APEH: variants seen among roughly 807,000 people sequenced by gnomAD.
APEH encodes the protein acylamino-acid-releasing enzyme.
APEH carries 75 observed loss-of-function variants against 102.7 expected under a neutral mutation model. The ratio of observed to expected loss-of-function variants is 0.73; its 90% CI spans 0.61 to 0.89. The LOEUF (loss-of-function observed/expected upper bound fraction) is 0.89, where lower values mean the gene tolerates loss of function less well. Among genes scored for constraint, APEH ranks in the 40% least tolerant of loss-of-function variants. The pLI is 0.00. For missense variants in APEH, 863 were observed against 941.2 expected (o/e 0.92, Z 1.09); for synonymous variants, 344 against 362.7 (o/e 0.95, Z 0.59).
rs759513667 is a variant in APEH at position 49,680,588 on chromosome 3, A to T, written c.1258A>T (p.Met420Leu). 1 of 1,614,084 alleles carries T rather than the reference A, an allele frequency of 6.2e-7. No individual in the cohort carries two copies. The highest frequency in any genetic ancestry group is 1.7e-5 in the Admixed American group (1 of 60,024). ...GTTGCTCACAATTGACCAGGACCTC[A>T]TGGTGGCACAGTTTTCCACACCCAG... ...WKLLTIDQDL[M>L]VAQFSTPSLP... The change falls in exon 14 of 22, where the codon ATG becomes TTG. Residue 420 changes from methionine to leucine, a missense_variant. Physicochemically the swap from Met to Leu is conservative, Grantham distance 15 (BLOSUM62 2). Transcript: ENST00000296456.
intron 10 of APEH, among the ~76,000 whole-genome samples, chr3:49,677,236 C>T (rs2053102191): frequency 6.6e-6 from 1 of 152,164 alleles, no homozygotes; most frequent in Admixed American, 6.5e-5. Context: ...TGGGGCATTC[C>T]ACCTTGAGAG....
Position 49,679,515 on chromosome 3 carries a change from A to G in APEH, c.1159-78A>G. 1 of 1,472,820 alleles carries G rather than the reference A, an allele frequency of 6.8e-7. No individual in the cohort carries two copies. The highest frequency in any genetic ancestry group is 1.4e-5 in the African/African-American group (1 of 72,026). 91.2% of individuals were successfully genotyped at this position (1,472,820 alleles called of 1,614,324 possible). A position where few individuals can be genotyped will look rare whatever the true frequency, so the allele number is the denominator to read the frequency against. On this transcript the variant is annotated intron_variant, in intron 12 of 21. Transcript: ENST00000296456. The surrounding 1 kb of genome is among the most constrained non-coding windows in gnomAD (Gnocchi z 4.3). ...GCCAGGGCTCTCCAAGAGGGTAGAG[A>G]GGAGGTAGGGGAGGGACCCATAGGT...
chr3:49,680,175 A>G, intron 13 of APEH: 1 of 312,272 alleles, frequency 3.2e-6, no homozygotes, highest in South Asian at 2.9e-5. Context: ...CCAAAGCTAC[A>G]TCTCATTGTA....
At chr3:49,674,741 T>G in intron 2 of APEH, 120 bp downstream of exon 2, 1 of 1,358,974 alleles carries the variant, frequency 7.4e-7, no homozygotes, top group Non-Finnish European at 1.0e-6. Flanking sequence ...CGGCCTGGAC[T>G]TGGAGGTTAC....
chr3:49,681,780 A>G lies in APEH; in HGVS notation c.1497A>G (p.Gln499=), dbSNP rs1441209641. 2 of 1,611,206 alleles carry G rather than the reference A, an allele frequency of 1.2e-6. No homozygotes were observed. Among genetic ancestry groups the G allele is most frequent in the Admixed American group, 1.7e-5 (1 of 59,886 alleles). Residue 499 remains glutamine (Q), a synonymous_variant, in exon 16 of 22, where the codon CAA becomes CAG. Coordinates refer to ENST00000296456, the MANE Select transcript of APEH (RefSeq NM_001640.4). ...CTGGCAGCCCTCCAGATAAGACCCA[A>G]GTGCCCATGGTGGTCATGCCCCACG... ...LQPGSPPDKT[Q]VPMVVMPHGG...
rs1277591081 is a variant in APEH at position 49,683,726 on chromosome 3, T to C, written c.*384T>C. ...TGCAGCCCCTTCCATTAGCAACTAC[T>C]CTGTACCACCCTTCCCAAGAGTATG... On this transcript the variant is annotated 3_prime_UTR_variant, in exon 22 of 22. Transcript: ENST00000296456. 2.0e-6 allele frequency: 1 copy of C among 489,066 alleles called. No individual in the cohort carries two copies. The highest frequency in any genetic ancestry group is 3.7e-6 in the Non-Finnish European group (1 of 272,076). The allele number at this position is 489,066 out of a possible 1,614,324, so 30.3% of individuals were successfully genotyped here.
At chr3:49,683,015 TC>T (rs777728028) in intron 20 of APEH, 24 bp from the exon 21 acceptor site, 3 of 1,612,182 alleles carry the variant, frequency 1.9e-6, no homozygotes, top group African/African-American at 2.7e-5. Context: ...TCAACACAGC[TC>T]CCCACTCTTC....
rs763682530 is a variant in APEH at position 49,675,759 on chromosome 3, G to A, written c.338G>A (p.Gly113Asp). ...KAVLRKAGGT[G>D]PGEEKQFLEV... ...GTGCTGCGCAAGGCTGGAGGCACGG[G>A]CCCTGGGGAAGAGAAGCAGTTCCTG... is the stretch of plus-strand genomic sequence containing the variant. The change falls in exon 4 of 22, where the codon GGC (glycine) becomes GAC (aspartate). Residue 113 changes from glycine to aspartate, a missense_variant. Physicochemically the swap from Gly to Asp is moderately conservative, Grantham distance 94 (BLOSUM62 -1). Transcript: ENST00000296456. 1.9e-6 allele frequency: 3 copies of A among 1,614,110 alleles called. No homozygotes were observed. Among genetic ancestry groups the A allele is most frequent in the South Asian group, 1.1e-5 (1 of 91,088 alleles).
chr3:49,683,241 C>T lies in APEH; in HGVS notation c.2098C>T (p.Leu700=), dbSNP rs2053439543. 1 of 1,613,722 alleles carries T rather than the reference C, an allele frequency of 6.2e-7. No individual in the cohort carries two copies. Among genetic ancestry groups the T allele is most frequent in the Non-Finnish European group, 8.5e-7 (1 of 1,179,646 alleles). The change falls in exon 22 of 22, where the codon CTG becomes TTG. Residue 700 remains leucine (L), a synonymous_variant. Transcript: ENST00000296456. ...GTTGCTGACTAATCCCTACAGGCTC[C>T]TGCTCTATCCCAAAAGCACCCACGC... ...LKTRNVPVRL[L]LYPKSTHALS...
At chr3:49,680,836 G>T (rs1288105970) in intron 14 of APEH, among the ~76,000 whole-genome samples, 5 of 152,248 alleles carry the variant, frequency 3.3e-5, no homozygotes, top group Admixed American at 6.5e-5. Flanking sequence ...AAAACAAGGT[G>T]CCTGGGGAAG....
chr3:49,674,469 C>G lies in APEH; in HGVS notation c.13-20C>G, dbSNP rs1199951217. 1 of 1,569,622 alleles carries G rather than the reference C, an allele frequency of 6.4e-7. No homozygotes were observed. The highest frequency in any genetic ancestry group is 1.3e-5 in the African/African-American group (1 of 74,172). On this transcript the variant is annotated intron_variant, in intron 1 of 21. Transcript: ENST00000296456. ...CCTGCAGCCCGGGCCGGGCCTGACCCTGGTGTGTCCCCTGCGCAGGTGCTG... is the reference window on the plus strand; with the variant it reads ...CCTGCAGCCCGGGCCGGGCCTGACCGTGGTGTGTCCCCTGCGCAGGTGCTG...
At chr3:49,675,538 C>T (rs2052990921) in intron 3 of APEH, 156 bp from the exon 4 acceptor site, 7 of 967,846 alleles carry the variant, frequency 7.2e-6, no homozygotes, top group Admixed American at 6.9e-5. Context: ...AGTAGAGTCT[C>T]TGCCTCAGGG....
rs1255684843 is a variant in APEH at position 49,678,865 on chromosome 3, G to T, written c.1074G>T (p.Gly358=). 3 of 1,613,618 alleles carry T rather than the reference G, an allele frequency of 1.9e-6. No individual in the cohort carries two copies. Among genetic ancestry groups the T allele is most frequent in the South Asian group, 2.2e-5 (2 of 91,068 alleles). The change falls in exon 12 of 22, where the codon GGG becomes GGT. Residue 358 remains glycine (G), a synonymous_variant. Transcript: ENST00000296456. Reference sequence around the variant, plus strand: ...CTATCTTTACAGAGAACTTCTCTGGGATCTACTGCAGCCTTCTGCCTTTGG... The same window carrying T: ...CTATCTTTACAGAGAACTTCTCTGGTATCTACTGCAGCCTTCTGCCTTTGG... ...VPRQLGENFS[G]IYCSLLPLGC...
Position 49,683,381 on chromosome 3 carries a change from C to A in APEH, c.*39C>A. 1.3e-6 allele frequency: 2 copies of A among 1,555,928 alleles called. No homozygotes were observed. Among genetic ancestry groups the A allele is most frequent in the Non-Finnish European group, 1.8e-6 (2 of 1,127,876 alleles). ...TGCATGAGCTGATCAGCCTGTGCCA[C>A]ACTTCGCTCTTGAGGAGCTCAACGG... On this transcript the variant is annotated 3_prime_UTR_variant, in exon 22 of 22. Transcript: ENST00000296456.
In APEH at chr3:49,679,062, C is replaced by T; in HGVS notation, c.1158+113C>T. The stretch of plus-strand genomic sequence containing the variant: ...ATGCCCAGCCACAAAGTCTCATCAG[C>T]CCCTTAAAACCCTGCCTGCCCATCC... On this transcript the variant is annotated intron_variant, in intron 12 of 21. Transcript: ENST00000296456. The surrounding 1 kb of genome is among the most constrained non-coding windows in gnomAD (Gnocchi z 4.3). The T allele has an allele frequency of 1.2e-6, 1 of 808,300 alleles. No homozygotes were observed. Among genetic ancestry groups the T allele is most frequent in the Non-Finnish European group, 2.0e-6 (1 of 509,760 alleles). The allele number at this position is 808,300 out of a possible 1,614,324, so 50.1% of individuals were successfully genotyped here.
In APEH at chr3:49,676,937, T is replaced by C. The variant is rs767125910; in HGVS notation, c.912T>C (p.Ser304=). Residue 304 remains serine, a synonymous_variant, in exon 10 of 22, where the codon TCT becomes TCC. Transcript: ENST00000296456. ...LLSDDSLAVS[S]PRLSPDQCRI... ...CGGATGACTCCCTGGCTGTCTCTTC[T>C]CCCCGGCTGAGCCCAGACCAATGTC... 2 of 1,614,044 alleles carry C rather than the reference T, an allele frequency of 1.2e-6. No individual in the cohort carries two copies. The highest frequency in any genetic ancestry group is 3.3e-5 in the Admixed American group (2 of 60,002).
chr3:49,674,474 G>A lies in APEH; in HGVS notation c.13-15G>A, dbSNP rs1222532599. 6 of 1,571,068 alleles carry A rather than the reference G, an allele frequency of 3.8e-6. No individual in the cohort carries two copies. Among genetic ancestry groups the A allele is most frequent in the Non-Finnish European group, 4.3e-6 (5 of 1,164,794 alleles). ...AGCCCGGGCCGGGCCTGACCCTGGT[G>A]TGTCCCCTGCGCAGGTGCTGCTGAG... On this transcript the variant is annotated splice_polypyrimidine_tract_variant and intron_variant, in intron 1 of 21. Coordinates refer to ENST00000296456, the MANE Select transcript of APEH (RefSeq NM_001640.4).
rs377625547 is a variant in APEH at position 49,682,940 on chromosome 3, C to T, written c.1981C>T (p.Pro661Ser). Residue 661 changes from proline (P) to serine (S), a missense_variant, in exon 20 of 22, where the codon CCT (proline) becomes TCT (serine). Pro to Ser is a moderately conservative substitution (Grantham distance 74). Transcript: ENST00000296456. ...GGACAAATCGCCCATCAGATACATC[C>T]CTCAGGTATGCAGCCCCCTCCTTGC... ...MLDKSPIRYIPQVKTPLLLML... is the reference protein window; with the variant it reads ...MLDKSPIRYISQVKTPLLLML... 1.2e-6 allele frequency: 2 copies of T among 1,613,828 alleles called. No homozygotes were observed. The highest frequency in any genetic ancestry group is 1.7e-6 in the Non-Finnish European group (2 of 1,179,934).
chr3:49,676,843 T>C (rs371343695), intron 9 of APEH, 26 bp downstream of exon 9: 33 of 1,614,246 alleles, frequency 2.0e-5, no homozygotes, highest in Non-Finnish European at 2.8e-5. Flanking sequence ...CCACCTGTGC[T>C]TTGCTGACAC....
Sources: gnomAD v4.1 joint callset for allele counts (sites outside exome capture counted in the v4.1 genomes callset) on GRCh38, gnomAD v4.1.1 for gene constraint, Gnocchi (gnomAD v3.1) non-coding constraint, MANE v1.5 for transcripts, NCBI Gene and HGNC (gene_info 2026-07-23, HGNC 2026-07-21) for gene names.